TNRC6B: variants seen among roughly 807,000 people sequenced by gnomAD.
The protein encoded by TNRC6B is trinucleotide repeat-containing gene 6B protein.
TNRC6B carries 52 observed loss-of-function variants against 203.6 expected under a neutral mutation model. The observed-to-expected ratio is 0.26, with a 90% CI of 0.20 to 0.32. TNRC6B has a LOEUF of 0.32. Ranked by LOEUF, TNRC6B falls within the 10% of genes least tolerant of loss-of-function variation. The pLI, the probability that TNRC6B is intolerant of heterozygous loss-of-function variation, is 1.00. For missense variants in TNRC6B, 1,923 were observed against 2,286.2 expected (o/e 0.84, Z 3.24); for synonymous variants, 838 against 845.7 (o/e 0.99, Z 0.16).
At chr22:40,297,740 T>G (rs1016985790) in intron 12 of TNRC6B, among the ~76,000 whole-genome samples, 8 of 152,008 alleles carry the variant, frequency 5.3e-5, no homozygotes, top group African/African-American at 1.7e-4. Flanking sequence ...AAGAATTGCT[T>G]GAACCCAGGA....
At chr22:40,159,252 C>T (rs1372116439) in intron 4 of TNRC6B, among the ~76,000 whole-genome samples, 3 of 150,210 alleles carry the variant, frequency 2.0e-5, no homozygotes, top group African/African-American at 4.9e-5. Context: ...CGTGAGCCAC[C>T]GCACCTGGCC....
chr22:40,057,232 C>A (rs1043397682), intron 1 of TNRC6B, among the ~76,000 whole-genome samples: 1 of 149,366 alleles, frequency 6.7e-6, no homozygotes, highest in East Asian at 1.9e-4. Context: ...AGTACAGTTA[C>A]ATTGAATTTT....
At chr22:40,187,022 G>A (rs553674160) in intron 1 of TNRC6B, among the ~76,000 whole-genome samples, 178 of 152,144 alleles carry the variant, frequency 1.2e-3, no homozygotes, top group Non-Finnish European at 1.9e-3. Context: ...ACATACCCAC[G>A]TTTTTCCAAA....
Position 40,206,219 on chromosome 22 carries a change from G to GAT in TNRC6B, c.5+28080_5+28081dup, listed in dbSNP as rs1240828798. ...ACTAAAATATCTGATTTCTGTATGAGATGCTCATTAAAGAACTTATTGGTG... is the reference window on the plus strand; with the variant it reads ...ACTAAAATATCTGATTTCTGTATGAGATATGCTCATTAAAGAACTTATTGGTG... On this transcript the variant is annotated intron_variant, in intron 1 of 22. Transcript: ENST00000454349. Among the ~76,000 whole-genome samples, 13 of 152,142 alleles carry GAT rather than the reference G, an allele frequency of 8.5e-5. No homozygotes were observed. In the South Asian group the frequency reaches 2.7e-3, roughly 32 times the overall value.
At chr22:40,152,947 A>G (rs1006808249) in intron 3 of TNRC6B, among the ~76,000 whole-genome samples, 10 of 151,848 alleles carry the variant, frequency 6.6e-5, no homozygotes, top group Non-Finnish European at 1.2e-4. Context: ...CTAAAAATAC[A>G]AAAAATTAGC....
At chr22:40,141,599 G>A (rs995086420) in intron 3 of TNRC6B, among the ~76,000 whole-genome samples, 4 of 151,914 alleles carry the variant, frequency 2.6e-5, no homozygotes, top group African/African-American at 9.7e-5. Flanking sequence ...TAGTCTGTAA[G>A]TGCCTTACCT....
At chr22:40,273,746 A>G in intron 7 of TNRC6B, 146 bp downstream of exon 7, 1 of 841,166 alleles carries the variant, frequency 1.2e-6, no homozygotes, top group Non-Finnish European at 1.8e-6. Context: ...CTCGCTGAGC[A>G]ACCTCCTGGG....
intron 1 of TNRC6B, among the ~76,000 whole-genome samples, chr22:40,083,106 G>T (rs2068074210): frequency 1.3e-5 from 2 of 152,170 alleles, no homozygotes; most frequent in South Asian, 4.1e-4. Context: ...AAGGGGGTTT[G>T]ATATTAAGTT....
In TNRC6B at chr22:40,205,976, A is replaced by G. The variant is rs185994993; in HGVS notation, c.5+27836A>G. 2.1e-3 allele frequency among the ~76,000 whole-genome samples: 325 copies of G among 152,306 alleles called. 2 individuals are homozygous for G. The highest frequency in any genetic ancestry group is 2.9e-3 in the Non-Finnish European group (195 of 68,026). On this transcript the variant is annotated intron_variant, in intron 1 of 22. Transcript: ENST00000454349. The stretch of plus-strand genomic sequence containing the variant: ...ACTTAAGAAATAATGCAGTAGAGCC[A>G]CATGCTGGCTTCCGTTTCCAGAGCT...
In TNRC6B at chr22:40,273,605, C is replaced by T. The variant is rs766839169; in HGVS notation, c.3141+5C>T. On this transcript the variant is annotated splice_donor_5th_base_variant and intron_variant, in intron 7 of 22. Coordinates refer to ENST00000454349, the MANE Select transcript of TNRC6B (RefSeq NM_001162501.2). ...GGAGGAAAGAAACAAATGAAGGTAG[C>T]CTGCTTAGAAATGTTCGCACTTGCT... The T allele has an allele frequency of 1.3e-6, 2 of 1,565,300 alleles. No individual in the cohort carries two copies. The highest frequency in any genetic ancestry group is 1.9e-5 in the Admixed American group (1 of 52,100).
Position 40,193,123 on chromosome 22 carries a change from A to G in TNRC6B, c.5+14983A>G, listed in dbSNP as rs139744720. Among the ~76,000 whole-genome samples the G allele has an allele frequency of 2.0e-4, 31 of 152,292 alleles. No homozygotes were observed. In the East Asian group the frequency reaches 6.0e-3, roughly 29 times the overall value. ...TTGGCCTTGAGGAGCACTGGCATCCATCAGGCTGCAGTGAGTCCCAGCAGC... is the reference window on the plus strand; with the variant it reads ...TTGGCCTTGAGGAGCACTGGCATCCGTCAGGCTGCAGTGAGTCCCAGCAGC... On this transcript the variant is annotated intron_variant, in intron 1 of 22. Transcript: ENST00000454349.
intron 1 of TNRC6B, among the ~76,000 whole-genome samples, chr22:40,070,866 A>G (rs1046229875): frequency 6.6e-6 from 1 of 152,074 alleles, no homozygotes; most frequent in African/African-American, 2.4e-5. Context: ...AGAGTCAAAT[A>G]CATTAGTATT....
chr22:40,202,012 T>C (rs1292768177), intron 1 of TNRC6B, among the ~76,000 whole-genome samples: 1 of 152,124 alleles, frequency 6.6e-6, no homozygotes, highest in Admixed American at 6.5e-5. Flanking sequence ...TTTGCTCAGG[T>C]TTGAAAGGGT....
intron 15 of TNRC6B, among the ~76,000 whole-genome samples, chr22:40,304,688 A>C (rs139991572): frequency 1.3e-5 from 2 of 152,322 alleles, no homozygotes; most frequent in African/African-American, 4.8e-5. Flanking sequence ...ATCTGAACTC[A>C]TTTAGAAACA....
chr22:40,273,968 A>C (rs998225072), intron 7 of TNRC6B, among the ~76,000 whole-genome samples: 5 of 152,150 alleles, frequency 3.3e-5, no homozygotes, highest in Admixed American at 2.6e-4. Flanking sequence ...TTTTTAAATG[A>C]AAGGTGTGAG....
intron 1 of TNRC6B, among the ~76,000 whole-genome samples, chr22:40,226,473 T>TA (rs917841764): frequency 1.7e-4 from 26 of 152,308 alleles, no homozygotes; most frequent in African/African-American, 5.3e-4. Context: ...TTGCAGTAGA[T>TA]ACCGTGTGAT....
intron 3 of TNRC6B, among the ~76,000 whole-genome samples, chr22:40,256,366 TA>T (rs1373673025): frequency 6.6e-6 from 1 of 152,204 alleles, no homozygotes; most frequent in African/African-American, 2.4e-5. Flanking sequence ...GTTTTGTTTT[TA>T]AGCCACTACT....
intron 3 of TNRC6B, chr22:40,156,040 G>A (rs750967495): frequency 7.3e-7 from 1 of 1,367,570 alleles, no homozygotes; most frequent in Non-Finnish European, 1.0e-6. Context: ...TTCTGCACAG[G>A]GCAGGTGTGG....
At chr22:40,314,952 A>G (rs976261898) in intron 19 of TNRC6B, among the ~76,000 whole-genome samples, 23 of 152,220 alleles carry the variant, frequency 1.5e-4, no homozygotes, top group African/African-American at 5.1e-4. Context: ...GTTACCCAGA[A>G]GCTGGTATCT....
Sources: allele counts gnomAD v4.1 joint callset (sites outside exome capture counted in the v4.1 genomes callset), GRCh38; gene constraint gnomAD v4.1.1; transcripts MANE v1.5; gene names NCBI Gene and HGNC (gene_info 2026-07-23, HGNC 2026-07-21).